Variants in SMTN observed in about 807,000 individuals in gnomAD.
The protein encoded by SMTN is smoothelin.
SMTN carries 58 observed loss-of-function variants against 102.0 expected under a neutral mutation model. The observed-to-expected ratio is 0.57, with a 90% confidence interval of 0.46 to 0.71. The LOEUF (loss-of-function observed/expected upper bound fraction) is 0.71. SMTN is among the 30% of genes least tolerant of loss of function. The pLI is 0.00. For synonymous variants in SMTN, 478 were observed against 497.9 expected (o/e 0.96, Z 0.53); for missense variants, 1,185 against 1,241.7 (o/e 0.95, Z 0.69).
intron 2 of SMTN, chr22:31,084,999 G>C (rs975976039): frequency 4.0e-6 from 6 of 1,486,134 alleles, no homozygotes; most frequent in Non-Finnish European, 4.5e-6. Context: ...GCGCCCCAGC[G>C]TCTGGCCGAT....
intron 20 of SMTN, chr22:31,103,060 T>A (rs532742682): frequency 1.3e-5 from 2 of 152,296 alleles, no homozygotes; most frequent in South Asian, 4.1e-4. Flanking sequence ...CACCCACAAC[T>A]GGTTAGGGAT....
At chr22:31,069,184 G>A (rs1220721550) in intron 1 of SMTN, among the ~76,000 whole-genome samples, 2 of 152,142 alleles carry the variant, frequency 1.3e-5, no homozygotes, top group East Asian at 1.9e-4. Context: ...GTTATTATAC[G>A]TCTGATTGAA....
At position 31,088,890 on chromosome 22, in the gene SMTN, G is replaced by A. The variant is rs1379874396; in HGVS notation, c.392G>A (p.Arg131Lys). The A allele has an allele frequency of 3.7e-6, 6 of 1,613,832 alleles. No individual in the cohort carries two copies. The highest frequency in any genetic ancestry group is 5.1e-6 in the Non-Finnish European group (6 of 1,180,026). ...CTTCCAGCTGCCACCTTGGCTGGGA[G>A]GTTGTACAGCGGGCGTCCCAACAGT... is the stretch of plus-strand genomic sequence containing the variant. ...QEIEAATLAG[R>K]LYSGRPNSGS... Residue 131 changes from arginine (R) to lysine (K), a missense_variant, in exon 6 of 21, where the codon AGG becomes AAG. Arg to Lys is a conservative substitution (Grantham distance 26). Around this residue, in one of 2 missense-constraint regions of SMTN, gnomAD observed 1,096 missense variants for 1,112.7 expected, o/e 0.98. Transcript: ENST00000333137.
Position 31,104,546 on chromosome 22 carries a change from C to T in SMTN, c.*251C>T. On this transcript the variant is annotated 3_prime_UTR_variant, in exon 21 of 21. Coordinates refer to ENST00000333137, the MANE Select transcript of SMTN (RefSeq NM_134269.3). ...ACCGTCTCCTGCCTGTGCGTCCGCC[C>T]ACCGCTGCCCTGTCTGTTGCGACAC... 1 of 1,436,732 alleles carries T rather than the reference C, an allele frequency of 7.0e-7. No homozygotes were observed. The highest frequency in any genetic ancestry group is 9.7e-7 in the Non-Finnish European group (1 of 1,035,472). The allele number at this position is 1,436,732 out of a possible 1,614,324, so 89.0% of individuals were successfully genotyped here. A position where few individuals can be genotyped will look rare whatever the true frequency, so the allele number is the denominator to read the frequency against.
rs1220170694 is a variant in SMTN at position 31,095,870 on chromosome 22, G to A, written c.1861+261G>A. ...TTCCTAGACCCAGATACTCCCTCCCGCAGCTACTCTCTCCTTGGATCCAGT... is the reference window on the plus strand; with the variant it reads ...TTCCTAGACCCAGATACTCCCTCCCACAGCTACTCTCTCCTTGGATCCAGT... On this transcript the variant is annotated intron_variant, in intron 13 of 20. Coordinates refer to ENST00000333137, the MANE Select transcript of SMTN (RefSeq NM_134269.3). The surrounding 1 kb of genome is among the most constrained non-coding windows in gnomAD (Gnocchi z 4.1). The A allele has an allele frequency of 4.4e-5, 24 of 542,548 alleles. No homozygotes were observed. Among genetic ancestry groups the A allele is most frequent in the Non-Finnish European group, 4.9e-5 (15 of 305,154 alleles). The allele number at this position is 542,548 out of a possible 1,614,324, so 33.6% of individuals were successfully genotyped here. A position where few individuals can be genotyped will look rare whatever the true frequency, so the allele number is the denominator to read the frequency against.
In SMTN at chr22:31,097,303, C is replaced by A. The variant is rs1279881169; in HGVS notation, c.2124C>A (p.Thr708=). ...GCAGCACCATGATGCAAACCAAGAC[C>A]TTCTCCTCTTCCTCCTCATCCAAGA... The part of the protein sequence containing the change: ...GSGSTMMQTK[T]FSSSSSSKKM... The change falls in exon 16 of 21, where the codon ACC becomes ACA. Residue 708 remains threonine (T), a synonymous_variant. Transcript: ENST00000333137. 2.5e-6 allele frequency: 4 copies of A among 1,614,078 alleles called. No individual in the cohort carries two copies. The African/African-American group carries it at 5.3e-5, about 22-fold the overall frequency.
chr22:31,097,106 ACCT>A (rs1316832998), intron 15 of SMTN, 46 bp downstream of exon 15: 1 of 1,581,466 alleles, frequency 6.3e-7, no homozygotes, highest in East Asian at 2.2e-5. Flanking sequence ...CTGTCCGCCC[ACCT>A]CCTCCGGCTC....
intron 2 of SMTN, among the ~76,000 whole-genome samples, chr22:31,086,626 C>T (rs2042723503): frequency 6.6e-6 from 1 of 152,208 alleles, no homozygotes; most frequent in Admixed American, 6.5e-5. Flanking sequence ...ACCCCACCCA[C>T]TGGCAAATGA....
intron 2 of SMTN, chr22:31,084,990 C>T: frequency 1.4e-6 from 2 of 1,471,202 alleles, no homozygotes; most frequent in African/African-American, 1.4e-5. Flanking sequence ...GCCCGCCCTG[C>T]GCCCCAGCGT....
At position 31,097,059 on chromosome 22, in the gene SMTN, G is replaced by A. The variant is rs2043650680; in HGVS notation, c.2088G>A (p.Glu696=). ...AGTCGAGTTTCGTGAGGCGCTCGGA[G>A]AGTAAGGCCACCTGGTGTCGCCCTG... ...TVESSFVRRS[E]NGSGSTMMQT... The change falls in exon 15 of 21, where the codon GAG becomes GAA. Residue 696 remains glutamate (E), a splice_region_variant and synonymous_variant. Coordinates refer to ENST00000333137, the MANE Select transcript of SMTN (RefSeq NM_134269.3). 2 of 1,614,008 alleles carry A rather than the reference G, an allele frequency of 1.2e-6. No individual in the cohort carries two copies. Among genetic ancestry groups the A allele is most frequent in the Non-Finnish European group, 1.7e-6 (2 of 1,179,952 alleles).
chr22:31,104,165 G>C, intron 20 of SMTN, 151 bp from the exon 21 acceptor site: 1 of 874,646 alleles, frequency 1.1e-6, no homozygotes, highest in South Asian at 1.7e-5. Context: ...GATGAAGCCA[G>C]GGGCTTCCTG....
rs5994371 is a variant in SMTN, at chr22:31,082,286, C to T, written c.-81+830C>T. The T allele has an allele frequency of 4.2e-4, 121 of 288,418 alleles. 1 individual carries two copies. The highest frequency in any genetic ancestry group is 2.2e-3 in the African/African-American group (101 of 45,614). The allele number at this position is 288,418 out of a possible 1,614,324, so 17.9% of individuals were successfully genotyped here. ...GGCTACAGGAGGAAGGAGAGATCTG[C>T]GCTGGGAGGCTGGGCCAGGATTTAG... On this transcript the variant is annotated intron_variant, in intron 1 of 20. Transcript: ENST00000333137.
chr22:31,073,079 A>G (rs1270154058), intron 1 of SMTN, among the ~76,000 whole-genome samples: 3 of 135,298 alleles, frequency 2.2e-5, no homozygotes, highest in African/African-American at 8.8e-5. Flanking sequence ...CAATGGCATG[A>G]TCTCGGTTCA....
upstream of SMTN, among the ~76,000 whole-genome samples, chr22:31,077,471 G>A (rs559076158): frequency 6.6e-6 from 1 of 152,136 alleles, no homozygotes; most frequent in African/African-American, 2.4e-5. Flanking sequence ...TACCTCACAG[G>A]ACTCAAGCTG....
chr22:31,095,693 AC>A lies in SMTN; in HGVS notation c.1861+88del. The A allele has an allele frequency of 1.1e-5, 14 of 1,229,306 alleles. No homozygotes were observed. The highest frequency in any genetic ancestry group is 4.1e-5 in the South Asian group (3 of 74,064). 76.1% of individuals were successfully genotyped at this position (1,229,306 alleles called of 1,614,324 possible). On this transcript the variant is annotated intron_variant, in intron 13 of 20. Transcript: ENST00000333137. This position sits in a 1 kb window ranked among gnomAD's most constrained non-coding sequence, Gnocchi z 4.1. The stretch of plus-strand genomic sequence containing the variant: ...CATACTCTGGGGTCCATTTGTGGAC[AC>A]CCCAGCTTAATAACTGCCCTACCCA...
chr22:31,083,020 C>G, intron 1 of SMTN, 159 bp from the exon 2 acceptor site: 5 of 1,414,796 alleles, frequency 3.5e-6, no homozygotes, highest in Non-Finnish European at 4.9e-6. Context: ...TTCCAGCAAA[C>G]CACCCTAGGG....
At chr22:31,078,234 C>G (rs1312935300), upstream of SMTN, among the ~76,000 whole-genome samples, 1 of 152,202 alleles carries the variant, frequency 6.6e-6, no homozygotes, top group Admixed American at 6.5e-5. Flanking sequence ...GCCTCCTGAC[C>G]CAAGGCCTGG....
chr22:31,073,135 T>C (rs2042046944), intron 1 of SMTN, among the ~76,000 whole-genome samples: 1 of 151,054 alleles, frequency 6.6e-6, no homozygotes, highest in Non-Finnish European at 1.5e-5. Context: ...CTGCCTCAGC[T>C]TCCCAGAGTA....
chr22:31,090,676 G>A, intron 8 of SMTN, 132 bp from the exon 9 acceptor site: 3 of 753,972 alleles, frequency 4.0e-6, no homozygotes, highest in East Asian at 2.5e-5. Flanking sequence ...GAGAGGTGGG[G>A]TGGGGGTTGA....
Sources: gnomAD v4.1 joint callset for allele counts (sites outside exome capture counted in the v4.1 genomes callset) on GRCh38, gnomAD v4.1.1 for gene constraint, gnomAD v4.1.1 regional missense constraint, Gnocchi (gnomAD v3.1) non-coding constraint, MANE v1.5 for transcripts, NCBI Gene and HGNC (gene_info 2026-07-23, HGNC 2026-07-21) for gene names.